Variants in SLC44A1 observed in about 807,000 individuals in gnomAD.
The protein encoded by SLC44A1 is solute carrier family 44 member 1.
A neutral mutation model predicts 79.3 loss-of-function variants in SLC44A1; 26 were observed. That is an observed-to-expected ratio of 0.33 (90% CI 0.24 to 0.46). The LOEUF is 0.46. Ranked by LOEUF, SLC44A1 falls within the 20% of genes least tolerant of loss-of-function variation. SLC44A1 has a pLI of 1.00. For synonymous variants in SLC44A1, 263 were observed against 286.2 expected (o/e 0.92, Z 0.82); for missense variants, 688 against 798.1 (o/e 0.86, Z 1.66).
intron 1 of SLC44A1, among the ~76,000 whole-genome samples, chr9:105,287,066 A>G (rs1278547535): frequency 2.6e-5 from 4 of 152,236 alleles, no homozygotes; most frequent in Non-Finnish European, 5.9e-5. Flanking sequence ...GTGAAAGTAA[A>G]GTAGCTGAAT....
chr9:105,315,694 T>A (rs1306510813), intron 3 of SLC44A1, among the ~76,000 whole-genome samples: 2 of 152,232 alleles, frequency 1.3e-5, no homozygotes, highest in African/African-American at 4.8e-5. Context: ...TGAAGACTTT[T>A]TAAAGAGTTA....
intron 9 of SLC44A1, 73 bp from the exon 10 acceptor site, chr9:105,364,482 C>A: frequency 1.5e-6 from 2 of 1,367,186 alleles, no homozygotes; most frequent in Non-Finnish European, 1.0e-6. Flanking sequence ...GACCTATTGC[C>A]TTCTACTTAA....
intron 4 of SLC44A1, among the ~76,000 whole-genome samples, chr9:105,341,603 A>G (rs371978085): frequency 2.0e-5 from 3 of 152,194 alleles, no homozygotes; most frequent in African/African-American, 4.8e-5. Context: ...CTCATGCTCT[A>G]TTCATCTAGG....
At chr9:105,359,313 A>G (rs1020908981) in intron 7 of SLC44A1, among the ~76,000 whole-genome samples, 1 of 152,222 alleles carries the variant, frequency 6.6e-6, no homozygotes, top group African/African-American at 2.4e-5. Flanking sequence ...CCAAAAAAGT[A>G]AACTGTTAAG....
chr9:105,374,517 A>G (rs1192440583), intron 12 of SLC44A1, 81 bp from the exon 13 acceptor site: 21 of 1,351,288 alleles, frequency 1.6e-5, no homozygotes, highest in East Asian at 4.7e-5. Context: ...TTTAAAAGCT[A>G]TGTTTTAGCT....
chr9:105,315,901 A>G (rs1046921404), intron 3 of SLC44A1, among the ~76,000 whole-genome samples: 2 of 152,226 alleles, frequency 1.3e-5, no homozygotes, highest in African/African-American at 4.8e-5. Context: ...ACTATCCTTC[A>G]CCTTTTTTGA....
At chr9:105,281,083 A>G (rs757143476) in intron 1 of SLC44A1, among the ~76,000 whole-genome samples, 6 of 152,234 alleles carry the variant, frequency 3.9e-5, no homozygotes, top group African/African-American at 1.2e-4. Flanking sequence ...TAGACATAAC[A>G]GAGCAAAAAA....
At chr9:105,372,484 T>C (rs1321538022) in intron 12 of SLC44A1, among the ~76,000 whole-genome samples, 1 of 150,832 alleles carries the variant, frequency 6.6e-6, no homozygotes, top group East Asian at 2.0e-4. Context: ...GAGACGGGGT[T>C]TCACCATGTT....
rs41296089 is a variant in SLC44A1, at chr9:105,393,417, G to A, written c.*4361G>A. ...AAAAACAAAACAAAAATTACACGTC[G>A]TGTACAGTTATGAATTTAGAATAGC... On this transcript the variant is annotated 3_prime_UTR_variant, in exon 16 of 16. Coordinates refer to ENST00000374720, the MANE Select transcript of SLC44A1 (RefSeq NM_080546.5). The A allele has an allele frequency of 2.7e-4, 265 of 985,060 alleles. No homozygotes were observed. Among genetic ancestry groups the A allele is most frequent in the Non-Finnish European group, 3.0e-4 (249 of 829,770 alleles). 61.0% of individuals were successfully genotyped at this position (985,060 alleles called of 1,614,324 possible). A position where few individuals can be genotyped will look rare whatever the true frequency, so the allele number is the denominator to read the frequency against.
rs529746628 is a variant in SLC44A1, at chr9:105,286,903, G to A, written c.37-12317G>A. Among the ~76,000 whole-genome samples, 4 of 152,314 alleles carry A rather than the reference G, an allele frequency of 2.6e-5. No homozygotes were observed. In the East Asian group the frequency reaches 7.7e-4, roughly 29 times the overall value. ...TACTTGAGCCCAGAAGTTTGAGGCTGCAGTGAGCTATGATCCTGTCACTGC... is the reference window on the plus strand; with the variant it reads ...TACTTGAGCCCAGAAGTTTGAGGCTACAGTGAGCTATGATCCTGTCACTGC... On this transcript the variant is annotated intron_variant, in intron 1 of 15. Transcript: ENST00000374720.
chr9:105,361,453 C>T, intron 8 of SLC44A1, 123 bp downstream of exon 8: 1 of 934,490 alleles, frequency 1.1e-6, no homozygotes, highest in Non-Finnish European at 1.6e-6. Context: ...GATAATATCT[C>T]TGTGCCATAG....
chr9:105,284,224 C>G (rs1588732720), intron 1 of SLC44A1, among the ~76,000 whole-genome samples: 1 of 146,566 alleles, frequency 6.8e-6, no homozygotes, highest in African/African-American at 2.6e-5. Flanking sequence ...CTGACAAATA[C>G]AGTCTTTTTT....
intron 3 of SLC44A1, among the ~76,000 whole-genome samples, chr9:105,326,414 A>G (rs1826577371): frequency 6.6e-6 from 1 of 152,158 alleles, no homozygotes; most frequent in African/African-American, 2.4e-5. Flanking sequence ...TATTATAAGT[A>G]ATATCATTTG....
intron 1 of SLC44A1, among the ~76,000 whole-genome samples, chr9:105,260,541 A>G (rs550475081): frequency 1.3e-5 from 2 of 152,236 alleles, no homozygotes; most frequent in Non-Finnish European, 2.9e-5. Flanking sequence ...CACAAACTTC[A>G]TGTTCTTCTT....
intron 1 of SLC44A1, among the ~76,000 whole-genome samples, chr9:105,285,911 G>A (rs2131263029): frequency 6.6e-6 from 1 of 152,250 alleles, no homozygotes; most frequent in East Asian, 1.9e-4. Context: ...CACCCATCTG[G>A]CCAACATGAT....
intron 1 of SLC44A1, among the ~76,000 whole-genome samples, chr9:105,264,920 C>A (rs112347778): frequency 1.9e-4 from 29 of 152,190 alleles, no homozygotes; most frequent in African/African-American, 6.5e-4. Context: ...CCTCAGCCTC[C>A]CGAGTAGCTG....
intron 13 of SLC44A1, among the ~76,000 whole-genome samples, chr9:105,379,950 T>G (rs1050171257): frequency 6.6e-6 from 1 of 152,202 alleles, no homozygotes; most frequent in African/African-American, 2.4e-5. Flanking sequence ...GAATTATTAC[T>G]TATAAATGCT....
rs528423613 is a variant in SLC44A1, at chr9:105,314,253, G to C, written c.269+4387G>C. Among the ~76,000 whole-genome samples, 3 of 152,256 alleles carry C rather than the reference G, an allele frequency of 2.0e-5. No homozygotes were observed. The East Asian group carries it at 5.8e-4, about 29-fold the overall frequency. On this transcript the variant is annotated intron_variant, in intron 3 of 15. Transcript: ENST00000374720. ...ATTGGGGTGAGGGCAGGGATGTTGT[G>C]CTTCTATCAAAGATGCTCCCATGTG... is the stretch of plus-strand genomic sequence containing the variant.
At position 105,363,027 on chromosome 9, in the gene SLC44A1, T is replaced by C. The variant is rs1423605368; in HGVS notation, c.1087+20T>C. ...CTACCGGTAAGAAGATAAGCTTCTT[T>C]CTCTTAGTGACAAACGTGATTTGCA... On this transcript the variant is annotated intron_variant, in intron 9 of 15. Transcript: ENST00000374720. 14 of 1,544,700 alleles carry C rather than the reference T, an allele frequency of 9.1e-6. No homozygotes were observed. The highest frequency in any genetic ancestry group is 1.2e-5 in the Non-Finnish European group (14 of 1,132,574).
Sources: gnomAD v4.1 joint callset for allele counts (sites outside exome capture counted in the v4.1 genomes callset) on GRCh38, gnomAD v4.1.1 for gene constraint, MANE v1.5 for transcripts, NCBI Gene and HGNC (gene_info 2026-07-23, HGNC 2026-07-21) for gene names.